ADAMTS9: variants seen among roughly 807,000 people sequenced by gnomAD.
ADAMTS9 encodes the protein ADAM metallopeptidase with thrombospondin type 1 motif 9.
ADAMTS9 carries 107 observed loss-of-function variants against 257.1 expected under a neutral mutation model. That is an observed-to-expected ratio of 0.42 (90% CI 0.36 to 0.49). The LOEUF is 0.49. ADAMTS9 is among the 20% of genes least tolerant of loss of function. The pLI, the probability that ADAMTS9 is intolerant of heterozygous loss-of-function variation, is 0.03. For missense variants in ADAMTS9, 2,353 were observed against 2,469.1 expected, an observed-to-expected ratio of 0.95 and a Z score of 1.00; for synonymous variants, 982 against 880.9, an observed-to-expected ratio of 1.11 and a Z score of -2.03.
At chr3:64,652,882 G>T (rs536912590) in intron 8 of ADAMTS9, among the ~76,000 whole-genome samples, 2 of 152,186 alleles carry the variant, frequency 1.3e-5, no homozygotes, top group East Asian at 3.9e-4. Context: ...GACACCAGTG[G>T]AAAATTCCAC....
At chr3:64,578,385 G>C (rs2083910548) in intron 28 of ADAMTS9, among the ~76,000 whole-genome samples, 1 of 152,034 alleles carries the variant, frequency 6.6e-6, no homozygotes, top group South Asian at 2.1e-4. Flanking sequence ...CAGAAGACTT[G>C]GCATTGAAAA....
intron 22 of ADAMTS9, among the ~76,000 whole-genome samples, chr3:64,609,368 C>A (rs6777689): frequency 6.6e-6 from 1 of 152,040 alleles, no homozygotes; most frequent in African/African-American, 2.4e-5. Flanking sequence ...TGTCATCATA[C>A]TATACATTGG....
chr3:64,546,157 C>T (rs537874768), intron 32 of ADAMTS9, among the ~76,000 whole-genome samples: 1 of 152,094 alleles, frequency 6.6e-6, no homozygotes, highest in South Asian at 2.1e-4. Flanking sequence ...AAAACATTTG[C>T]CATTATAACC....
At chr3:64,597,126 G>T in intron 26 of ADAMTS9, 135 bp from the exon 27 acceptor site, 1 of 1,226,208 alleles carries the variant, frequency 8.2e-7, no homozygotes, top group Non-Finnish European at 1.1e-6. Flanking sequence ...AAAGCAATCA[G>T]GAAAACCCAA....
At chr3:64,572,195 A>G (rs2083705641) in intron 28 of ADAMTS9, among the ~76,000 whole-genome samples, 1 of 152,204 alleles carries the variant, frequency 6.6e-6, no homozygotes, top group Non-Finnish European at 1.5e-5. Flanking sequence ...AGCAGCACCA[A>G]GGTCAGCATC....
rs1324446451 is a variant in ADAMTS9, at chr3:64,687,499, C to A, written c.115+44G>T. 8.3e-6 allele frequency: 12 copies of A among 1,446,246 alleles called. No individual in the cohort carries two copies. The highest frequency in any genetic ancestry group is 1.1e-5 in the Non-Finnish European group (12 of 1,077,614). 89.6% of individuals were successfully genotyped at this position (1,446,246 alleles called of 1,614,324 possible). On this transcript the variant is annotated intron_variant, in intron 1 of 39. Coordinates refer to ENST00000498707, the MANE Select transcript of ADAMTS9 (RefSeq NM_182920.2). The surrounding 1 kb of genome is among the most constrained non-coding windows in gnomAD (Gnocchi z 4.4). ...CTGCCCAGGAGCGAGGACCGGGAGG[C>A]GGCGTCGGGGCCGGCGGGGTCCCGG...
intron 16 of ADAMTS9, among the ~76,000 whole-genome samples, chr3:64,630,389 C>T (rs895853704): frequency 2.0e-5 from 3 of 152,168 alleles, no homozygotes; most frequent in African/African-American, 7.2e-5. Context: ...CATAGTGAGA[C>T]ATCATCTCTA....
At chr3:64,600,974 A>T (rs1269052067) in intron 26 of ADAMTS9, among the ~76,000 whole-genome samples, 1 of 152,036 alleles carries the variant, frequency 6.6e-6, no homozygotes, top group Non-Finnish European at 1.5e-5. Context: ...ATTAGTAAAC[A>T]CCTAACTACG....
intron 28 of ADAMTS9, chr3:64,583,082 T>C (rs1039219042): frequency 6.6e-6 from 1 of 152,246 alleles, no homozygotes; most frequent in African/African-American, 2.4e-5. Context: ...ATGATGAGGA[T>C]ATAACCCTTG....
intron 19 of ADAMTS9, among the ~76,000 whole-genome samples, chr3:64,618,311 C>T (rs1160010851): frequency 3.9e-5 from 6 of 152,250 alleles, no homozygotes; most frequent in East Asian, 1.9e-4. Context: ...TATGATCTGA[C>T]GTGCTGTCCT....
intron 11 of ADAMTS9, among the ~76,000 whole-genome samples, chr3:64,647,731 G>C (rs982007365): frequency 3.9e-5 from 6 of 152,174 alleles, no homozygotes; most frequent in Admixed American, 3.3e-4. Context: ...AATAATGATA[G>C]GTATATTCTC....
chr3:64,556,432 C>G (rs2083334033), intron 30 of ADAMTS9, among the ~76,000 whole-genome samples: 2 of 152,180 alleles, frequency 1.3e-5, no homozygotes, highest in Admixed American at 6.5e-5. Flanking sequence ...GCAATCCTCT[C>G]ACTTCAGCCT....
At chr3:64,586,245 G>A (rs1046770890) in intron 28 of ADAMTS9, among the ~76,000 whole-genome samples, 6 of 151,846 alleles carry the variant, frequency 4.0e-5, no homozygotes, top group African/African-American at 1.5e-4. Context: ...ATAATTCTGA[G>A]CACAAAGTAA....
At chr3:64,644,218 C>T (rs1415415094) in intron 11 of ADAMTS9, among the ~76,000 whole-genome samples, 1 of 152,190 alleles carries the variant, frequency 6.6e-6, no homozygotes, top group Non-Finnish European at 1.5e-5. Flanking sequence ...TTAGTCCTCA[C>T]AACACACTAC....
intron 22 of ADAMTS9, among the ~76,000 whole-genome samples, chr3:64,609,246 C>A (rs1403378112): frequency 2.6e-5 from 4 of 152,040 alleles, no homozygotes; most frequent in African/African-American, 9.7e-5. Flanking sequence ...CACTGCTGTT[C>A]ATCATTGTAC....
rs779691924 is a variant in ADAMTS9 at position 64,522,207 on chromosome 3, T to C, written c.5772A>G (p.Pro1924=). 6.2e-7 allele frequency: 1 copy of C among 1,614,044 alleles called. No homozygotes were observed. Among genetic ancestry groups the C allele is most frequent in the Admixed American group, 1.7e-5 (1 of 60,002 alleles). Residue 1924 remains proline (P), a synonymous_variant, in exon 39 of 40, where the codon CCA becomes CCG. Transcript: ENST00000498707. ...GCACCTCCAGGCCAGTACCAGAGGATGGAGTGCATTTTCCACAGTAACCAC... is the reference window on the plus strand; with the variant it reads ...GCACCTCCAGGCCAGTACCAGAGGACGGAGTGCATTTTCCACAGTAACCAC... ...KCGGYCGKCT[P]SSGTGLEVRV...
rs143840945 is a variant in ADAMTS9, at chr3:64,629,904, T to C, written c.2389+1551A>G. Among the ~76,000 whole-genome samples the C allele has an allele frequency of 8.0e-3, 1,214 of 152,342 alleles. 16 individuals carry two copies. Among genetic ancestry groups the C allele is most frequent in the African/African-American group, 0.028 (1,167 of 41,564 alleles). Reference sequence around the variant, plus strand: ...CACTGTCTATCTATGCAGCTTCATGTAGACATTCCAAAACAGAGATATAGA... The same window carrying C: ...CACTGTCTATCTATGCAGCTTCATGCAGACATTCCAAAACAGAGATATAGA... On this transcript the variant is annotated intron_variant, in intron 16 of 39. Transcript: ENST00000498707.
intron 29 of ADAMTS9, among the ~76,000 whole-genome samples, chr3:64,562,456 C>T (rs2083444060): frequency 6.6e-6 from 1 of 152,154 alleles, no homozygotes; most frequent in Admixed American, 6.5e-5. Context: ...ACTTGCAAAA[C>T]ACCATATTAA....
At chr3:64,679,110 C>A (rs1010253232) in intron 3 of ADAMTS9, among the ~76,000 whole-genome samples, 1 of 152,116 alleles carries the variant, frequency 6.6e-6, no homozygotes, top group Non-Finnish European at 1.5e-5. Flanking sequence ...TCATTGTCTT[C>A]GAGCCTGACA....
Sources: allele counts gnomAD v4.1 joint callset (sites outside exome capture counted in the v4.1 genomes callset), GRCh38; gene constraint gnomAD v4.1.1; non-coding constraint Gnocchi (gnomAD v3.1); transcripts MANE v1.5; gene names NCBI Gene and HGNC (gene_info 2026-07-23, HGNC 2026-07-21).